PRSS12: variants seen among roughly 807,000 people sequenced by gnomAD.
PRSS12 encodes neurotrypsin.
PRSS12 carries 85 observed loss-of-function variants against 104.4 expected under a neutral mutation model. The ratio of observed to expected loss-of-function variants is 0.81; its 90% CI spans 0.68 to 0.98. The LOEUF (loss-of-function observed/expected upper bound fraction) is 0.98, where lower values mean the gene tolerates loss of function less well. Among genes scored for constraint, PRSS12 ranks in the 50% least tolerant of loss-of-function variants. The pLI is 0.00. For synonymous variants in PRSS12, 454 were observed against 425.2 expected (o/e 1.07, Z -0.83); for missense variants, 1,141 against 1,139.2 (o/e 1.00, Z -0.02).
At chr4:118,320,774 A>G (rs1342626964) in intron 4 of PRSS12, among the ~76,000 whole-genome samples, 2 of 152,104 alleles carry the variant, frequency 1.3e-5, no homozygotes, top group African/African-American at 2.4e-5. Flanking sequence ...AATAATAACA[A>G]CAATATCATT....
chr4:118,329,889 G>A (rs1723873360), intron 4 of PRSS12, among the ~76,000 whole-genome samples: 1 of 152,144 alleles, frequency 6.6e-6, no homozygotes, highest in Admixed American at 6.5e-5. Context: ...ATGCTATGCT[G>A]ACTCCAACAG....
At chr4:118,326,356 A>G (rs1254081505) in intron 4 of PRSS12, among the ~76,000 whole-genome samples, 1 of 152,220 alleles carries the variant, frequency 6.6e-6, no homozygotes, top group Non-Finnish European at 1.5e-5. Context: ...CAGTGCTTTT[A>G]GACATACTAA....
chr4:118,352,003 T>A (rs1205462894), intron 1 of PRSS12, among the ~76,000 whole-genome samples: 1 of 152,058 alleles, frequency 6.6e-6, no homozygotes, highest in Admixed American at 6.5e-5. Flanking sequence ...CTGTCACCCC[T>A]GACAACCTTC....
intron 11 of PRSS12, among the ~76,000 whole-genome samples, 188 bp downstream of exon 11, chr4:118,294,751 G>A (rs960063640): frequency 5.3e-5 from 8 of 151,980 alleles, no homozygotes; most frequent in African/African-American, 1.9e-4. Flanking sequence ...TTAACACCAG[G>A]GTAGCAAGTG....
intron 8 of PRSS12, among the ~76,000 whole-genome samples, chr4:118,299,750 T>A (rs866518999): frequency 6.8e-5 from 3 of 44,302 alleles, no homozygotes; most frequent in East Asian, 7.6e-4. Flanking sequence ...ATAAAATAAA[T>A]AAAATAAATA....
chr4:118,310,737 A>T (rs1312129454), intron 7 of PRSS12, among the ~76,000 whole-genome samples: 5 of 152,178 alleles, frequency 3.3e-5, no homozygotes. Flanking sequence ...AAATTCTAAC[A>T]TGCATACATA....
chr4:118,350,446 A>T (rs751685579), intron 1 of PRSS12, among the ~76,000 whole-genome samples: 24 of 152,230 alleles, frequency 1.6e-4, no homozygotes, highest in Non-Finnish European at 3.2e-4. Context: ...AATGAGATTG[A>T]GTCTGTGAAA....
At chr4:118,327,492 G>A (rs1723805083) in intron 4 of PRSS12, among the ~76,000 whole-genome samples, 1 of 152,102 alleles carries the variant, frequency 6.6e-6, no homozygotes, top group African/African-American at 2.4e-5. Flanking sequence ...GGAAGAATTT[G>A]TATTCTACTA....
intron 1 of PRSS12, among the ~76,000 whole-genome samples, chr4:118,344,127 T>C (rs552546865): frequency 4.5e-4 from 69 of 152,266 alleles, no homozygotes; most frequent in African/African-American, 1.6e-3. Flanking sequence ...CTGTGAGTGA[T>C]ACAGAAATTT....
intron 7 of PRSS12, among the ~76,000 whole-genome samples, chr4:118,311,045 T>G (rs1380106473): frequency 6.6e-6 from 1 of 152,096 alleles, no homozygotes; most frequent in Non-Finnish European, 1.5e-5. Context: ...AGTGAGACTC[T>G]GTCTCAATTA....
At position 118,313,236 on chromosome 4, in the gene PRSS12, C is replaced by T. The variant is rs770692559; in HGVS notation, c.1454G>A (p.Cys485Tyr). 1.8e-5 allele frequency: 29 copies of T among 1,613,880 alleles called. No homozygotes were observed. The East Asian group carries it at 6.5e-4, about 36-fold the overall frequency. ...CCTGTGTCCCTCGCCGCCAGGGTAG[C>T]AGGCAATGCTAACATCTTCGCGGTG... ...CSHREDVSIA[C>Y]YPGGEGHRLS... Residue 485 changes from cysteine (C) to tyrosine (Y), a missense_variant, in exon 7 of 13, where the codon TGC (cysteine) becomes TAC (tyrosine). Cys to Tyr is a radical substitution (Grantham distance 194). Transcript: ENST00000296498.
At chr4:118,346,101 T>G (rs1220751653) in intron 1 of PRSS12, among the ~76,000 whole-genome samples, 3 of 152,178 alleles carry the variant, frequency 2.0e-5, no homozygotes, top group African/African-American at 4.8e-5. Flanking sequence ...TTCTGCAGAT[T>G]GTTCTATCTC....
chr4:118,350,743 T>C (rs963209538), intron 1 of PRSS12, among the ~76,000 whole-genome samples: 1 of 138,222 alleles, frequency 7.2e-6, no homozygotes, highest in Non-Finnish European at 1.6e-5. Flanking sequence ...GGCTGAGTTA[T>C]GTCAGAAAGA....
chr4:118,352,358 C>A lies in PRSS12; in HGVS notation c.363G>T (p.Arg121=), dbSNP rs777479394. 2 of 1,568,270 alleles carry A rather than the reference C, an allele frequency of 1.3e-6. No homozygotes were observed. Among genetic ancestry groups the A allele is most frequent in the South Asian group, 2.3e-5 (2 of 85,962 alleles). Residue 121 remains arginine (R), a synonymous_variant, in exon 1 of 13, where the codon CGG becomes CGT. Transcript: ENST00000296498. ...RWAEVPPFLE[R]SPPASWAQLR... is the part of the protein sequence containing the mutation. ...GCTGAGCCCAGCTCGCTGGGGGCGACCGCTCCAGGAAGGGTGGCACCTCCG... is the reference window on the plus strand; with the variant it reads ...GCTGAGCCCAGCTCGCTGGGGGCGAACGCTCCAGGAAGGGTGGCACCTCCG...
Position 118,331,859 on chromosome 4 carries a change from C to T in PRSS12, c.828G>A (p.Thr276=), listed in dbSNP as rs778880059. The T allele has an allele frequency of 4.3e-6, 7 of 1,613,956 alleles. No individual in the cohort carries two copies. Among genetic ancestry groups the T allele is most frequent in the South Asian group, 3.3e-5 (3 of 91,070 alleles). ...CTCCAGCAAGGCGAATGATGGGGAACGTTGGGCCTGTGCAATGTGAAGTTA... is the reference window on the plus strand; with the variant it reads ...CTCCAGCAAGGCGAATGATGGGGAATGTTGGGCCTGTGCAATGTGAAGTTA... ...AVTCSFSHGP[T]FPIIRLAGGS... is the part of the protein sequence containing the mutation. Residue 276 remains threonine (T), a synonymous_variant, in exon 4 of 13, where the codon ACG becomes ACA. Transcript: ENST00000296498.
chr4:118,315,760 T>C (rs907910674), intron 6 of PRSS12, among the ~76,000 whole-genome samples: 2 of 152,216 alleles, frequency 1.3e-5, no homozygotes. Flanking sequence ...AAAGTGATAA[T>C]TATCATCACA....
Position 118,345,832 on chromosome 4 carries a change from C to T in PRSS12, c.502+6387G>A, listed in dbSNP as rs141640822. Among the ~76,000 whole-genome samples the T allele has an allele frequency of 4.6e-5, 7 of 152,206 alleles. No individual in the cohort carries two copies. In the East Asian group the frequency reaches 1.3e-3, roughly 29 times the overall value. Reference sequence around the variant, plus strand: ...AGTTTCCCAAATATAAGGACAAGTCCCAACCATACTCCTTAGCAAACCCTT... The same window carrying T: ...AGTTTCCCAAATATAAGGACAAGTCTCAACCATACTCCTTAGCAAACCCTT... On this transcript the variant is annotated intron_variant, in intron 1 of 12. Transcript: ENST00000296498.
At chr4:118,338,052 A>G (rs1266484394) in intron 2 of PRSS12, 124 bp downstream of exon 2, 1 of 1,291,484 alleles carries the variant, frequency 7.7e-7, no homozygotes, top group African/African-American at 1.5e-5. Flanking sequence ...CTCTTTTGTG[A>G]AAAGTGAGAA....
intron 7 of PRSS12, among the ~76,000 whole-genome samples, chr4:118,310,223 A>G (rs1743672719): frequency 6.6e-6 from 1 of 152,222 alleles, no homozygotes; most frequent in African/African-American, 2.4e-5. Context: ...AAATTCTTTT[A>G]TTAAAGTTTT....
Sources: allele counts gnomAD v4.1 joint callset (sites outside exome capture counted in the v4.1 genomes callset), GRCh38; gene constraint gnomAD v4.1.1; transcripts MANE v1.5; gene names NCBI Gene and HGNC (gene_info 2026-07-23, HGNC 2026-07-21).